Variants in KDM7A observed in about 807,000 individuals in gnomAD.
KDM7A encodes the protein lysine-specific demethylase 7A.
A neutral mutation model predicts 114.8 loss-of-function variants in KDM7A; 28 were observed. The observed-to-expected ratio is 0.24, with a 90% CI of 0.18 to 0.33. KDM7A has a LOEUF of 0.33. KDM7A is among the 10% of genes least tolerant of loss of function. The pLI is 1.00. For synonymous variants in KDM7A, 423 were observed against 397.8 expected (o/e 1.06, Z -0.75); for missense variants, 942 against 1,142.5 (o/e 0.82, Z 2.53).
At chr7:140,169,676 C>A (rs896473546) in intron 1 of KDM7A, among the ~76,000 whole-genome samples, 1 of 152,122 alleles carries the variant, frequency 6.6e-6, no homozygotes, top group Non-Finnish European at 1.5e-5. Flanking sequence ...CAGGTGCACA[C>A]CACTATGCCC....
chr7:140,135,652 T>G (rs1818858919), intron 2 of KDM7A, among the ~76,000 whole-genome samples: 1 of 152,212 alleles, frequency 6.6e-6, no homozygotes. Context: ...TTTTGATTCT[T>G]AAGCACTTAG....
chr7:140,152,887 G>C (rs1455025315), intron 1 of KDM7A, among the ~76,000 whole-genome samples: 2 of 151,766 alleles, frequency 1.3e-5, no homozygotes, highest in African/African-American at 4.8e-5. Flanking sequence ...TTGAGACGGG[G>C]TCTCGCTCTG....
At chr7:140,174,056 C>T (rs1171945322) in intron 1 of KDM7A, among the ~76,000 whole-genome samples, 1 of 151,290 alleles carries the variant, frequency 6.6e-6, no homozygotes, top group Non-Finnish European at 1.5e-5. Flanking sequence ...CCCAGCTACT[C>T]GGGAGGCTGA....
At chr7:140,096,850 A>C (rs766276456) in intron 16 of KDM7A, 49 bp downstream of exon 16, 1 of 1,590,428 alleles carries the variant, frequency 6.3e-7, no homozygotes, top group African/African-American at 1.4e-5. Context: ...AAGTGTTCAT[A>C]GTATTTACCT....
In KDM7A at chr7:140,176,873, G is replaced by A; in HGVS notation, c.65C>T (p.Ser22Leu). The A allele has an allele frequency of 1.0e-5, 13 of 1,240,750 alleles. No homozygotes were observed. The highest frequency in any genetic ancestry group is 3.8e-5 in the East Asian group (1 of 26,424). The allele number at this position is 1,240,750 out of a possible 1,614,324, so 76.9% of individuals were successfully genotyped here. Residue 22 changes from serine to leucine, a missense_variant, in exon 1 of 20, where the codon TCG becomes TTG. Ser to Leu is a moderately radical substitution (Grantham distance 145). Around this residue, in one of 4 missense-constraint regions of KDM7A, gnomAD observed 112 missense variants for 96.2 expected, o/e 1.16. Transcript: ENST00000397560. This position sits in a 1 kb window ranked among gnomAD's most constrained non-coding sequence, Gnocchi z 4.4. ...CGAGGCCCGGCCGGGAGCCGCCACC[G>A]ACACGGCTGCCGCGGCGGCTCCAGC... Reference protein sequence around the residue: ...AAAGAAAAAVSVAAPGRASAP... With the variant: ...AAAGAAAAAVLVAAPGRASAP...
chr7:140,138,439 G>T (rs1818903987), intron 2 of KDM7A, among the ~76,000 whole-genome samples: 1 of 152,144 alleles, frequency 6.6e-6, no homozygotes. Flanking sequence ...GCTGAAAATA[G>T]ATATCATATT....
chr7:140,125,873 C>T (rs773782612), intron 6 of KDM7A, among the ~76,000 whole-genome samples: 3 of 151,756 alleles, frequency 2.0e-5, no homozygotes, highest in Admixed American at 6.6e-5. Flanking sequence ...GTAGCTGTGA[C>T]TACAAGCATG....
In KDM7A at chr7:140,157,470, T is replaced by C. The variant is rs547525729; in HGVS notation, c.195-18280A>G. On this transcript the variant is annotated intron_variant, in intron 1 of 19. Coordinates refer to ENST00000397560, the MANE Select transcript of KDM7A (RefSeq NM_030647.2). ...GAGTTCAAGACCAGCCTGGGCAACA[T>C]AGTGAGACTCTGACTCTACAAAAAT... Among the ~76,000 whole-genome samples, 501 of 151,346 alleles carry C rather than the reference T, an allele frequency of 3.3e-3. 1 individual carries two copies. Among genetic ancestry groups the C allele is most frequent in the Middle Eastern group, 0.018 (5 of 284 alleles).
At chr7:140,163,486 T>C (rs1197909234) in intron 1 of KDM7A, among the ~76,000 whole-genome samples, 1 of 151,470 alleles carries the variant, frequency 6.6e-6, no homozygotes, top group African/African-American at 2.4e-5. Flanking sequence ...CTTGCTACAC[T>C]TCCCAGGCTA....
rs1252508758 is a variant in KDM7A at position 140,176,175 on chromosome 7, T to C, written c.194+569A>G. 4.0e-5 allele frequency among the ~76,000 whole-genome samples: 6 copies of C among 151,364 alleles called. No homozygotes were observed. The highest frequency in any genetic ancestry group is 3.3e-4 in the Admixed American group (5 of 15,268). ...CCTCTCCGGCCCGCCGCTGCCCCCG[T>C]CCCACTGGCCCAGGAAGTTTGATAA... is the stretch of plus-strand genomic sequence containing the variant. On this transcript the variant is annotated intron_variant, in intron 1 of 19. Transcript: ENST00000397560. This position sits in a 1 kb window ranked among gnomAD's most constrained non-coding sequence, Gnocchi z 4.4.
chr7:140,140,687 T>C (rs1029329271), intron 1 of KDM7A, among the ~76,000 whole-genome samples: 2 of 151,186 alleles, frequency 1.3e-5, no homozygotes, highest in Non-Finnish European at 2.9e-5. Context: ...GGCAGGAGAA[T>C]TGCTTGAACC....
intron 1 of KDM7A, among the ~76,000 whole-genome samples, chr7:140,173,114 C>G (rs1794665230): frequency 6.6e-6 from 1 of 152,062 alleles, no homozygotes; most frequent in East Asian, 1.9e-4. Flanking sequence ...GACATCTAGC[C>G]TGGAGATAAG....
chr7:140,153,622 G>A (rs746685157), intron 1 of KDM7A, among the ~76,000 whole-genome samples: 5 of 152,128 alleles, frequency 3.3e-5, no homozygotes, highest in Non-Finnish European at 7.3e-5. Context: ...TCTTACTGTT[G>A]GTTATAATGT....
At chr7:140,113,376 G>C in intron 10 of KDM7A, 115 bp downstream of exon 10, 1 of 518,276 alleles carries the variant, frequency 1.9e-6, no homozygotes, top group Non-Finnish European at 3.5e-6. Flanking sequence ...ATAAAGGCAT[G>C]ATTTCTATTC....
intron 9 of KDM7A, among the ~76,000 whole-genome samples, chr7:140,114,850 C>T (rs1818493698): frequency 6.6e-6 from 1 of 150,740 alleles, no homozygotes; most frequent in Admixed American, 6.6e-5. Flanking sequence ...AGCCCCTCCG[C>T]CCGGCAGCCG....
chr7:140,095,074 C>G (rs1818083654), intron 17 of KDM7A, among the ~76,000 whole-genome samples: 1 of 152,188 alleles, frequency 6.6e-6, no homozygotes, highest in Non-Finnish European at 1.5e-5. Flanking sequence ...TCTTGAACTT[C>G]CAACCTCAGG....
At chr7:140,112,945 C>T (rs538354856) in intron 10 of KDM7A, among the ~76,000 whole-genome samples, 35 of 152,290 alleles carry the variant, frequency 2.3e-4, no homozygotes, top group African/African-American at 8.2e-4. Flanking sequence ...GAAATTTGGT[C>T]TCTCCTTTCC....
At chr7:140,132,629 T>C (rs544687957) in intron 3 of KDM7A, among the ~76,000 whole-genome samples, 39 of 152,332 alleles carry the variant, frequency 2.6e-4, no homozygotes, top group African/African-American at 8.7e-4. Flanking sequence ...TATTTGCGAA[T>C]AGGGTATTTA....
intron 1 of KDM7A, among the ~76,000 whole-genome samples, chr7:140,147,379 ATT>A (rs1288296449): frequency 2.6e-5 from 4 of 152,200 alleles, no homozygotes; most frequent in African/African-American, 4.8e-5. Flanking sequence ...TTTTTAAAGA[ATT>A]TTCTTAAAAT....
Sources: gnomAD v4.1 joint callset for allele counts (sites outside exome capture counted in the v4.1 genomes callset) on GRCh38, gnomAD v4.1.1 for gene constraint, gnomAD v4.1.1 regional missense constraint, Gnocchi (gnomAD v3.1) non-coding constraint, MANE v1.5 for transcripts, NCBI Gene and HGNC (gene_info 2026-07-23, HGNC 2026-07-21) for gene names.